Variants in FGD4 observed in about 807,000 individuals in gnomAD.
The protein encoded by FGD4 is FYVE, RhoGEF and PH domain containing 4, also known as FYVE, RhoGEF and PH domain-containing protein 4.
FGD4 carries 42 observed loss-of-function variants against 102.0 expected under a neutral mutation model. The observed-to-expected ratio is 0.41, with a 90% CI of 0.32 to 0.53. The LOEUF (loss-of-function observed/expected upper bound fraction) is 0.53. Ranked by LOEUF, FGD4 falls within the 20% of genes least tolerant of loss-of-function variation. The probability of loss-of-function intolerance (pLI) is 0.21; values close to 1 mark genes in which losing one functional copy is unlikely to be tolerated. For missense variants in FGD4, 902 were observed against 1,078.2 expected (o/e 0.84, Z 2.29); for synonymous variants, 380 against 375.7 (o/e 1.01, Z -0.13).
rs142904092 is a variant in FGD4 at position 32,625,355 on chromosome 12, C to T, written c.2046+287C>T. Reference sequence around the variant, plus strand: ...CACAGTCTTGGCTCACTGCAAACTCCGCCTCCCGGGTTCAAGCGATTTTCC... The same window carrying T: ...CACAGTCTTGGCTCACTGCAAACTCTGCCTCCCGGGTTCAAGCGATTTTCC... On this transcript the variant is annotated intron_variant, in intron 13 of 16. Coordinates refer to ENST00000534526, the MANE Select transcript of FGD4 (RefSeq NM_001370298.3). Among the ~76,000 whole-genome samples the T allele has an allele frequency of 0.027, 4,105 of 150,386 alleles. 209 individuals are homozygous for T. The highest frequency in any genetic ancestry group is 0.097 in the African/African-American group (3,933 of 40,700).
At chr12:32,565,109 G>C (rs566217701) in intron 2 of FGD4, among the ~76,000 whole-genome samples, 39 of 152,226 alleles carry the variant, frequency 2.6e-4, no homozygotes, top group African/African-American at 9.4e-4. Flanking sequence ...TATTTATTTT[G>C]TGTTTACTTA....
rs534600614 is a variant in FGD4, at chr12:32,605,042, G to T, written c.1404+2725G>T. On this transcript the variant is annotated intron_variant, in intron 7 of 16. Coordinates refer to ENST00000534526, the MANE Select transcript of FGD4 (RefSeq NM_001370298.3). ...TAACCTCTGCCTCCTGGGTTCAAGC[G>T]ATTCTTGTGCCTCAGCTTCCTGAGT... Among the ~76,000 whole-genome samples, 3 of 147,958 alleles carry T rather than the reference G, an allele frequency of 2.0e-5. No homozygotes were observed. The East Asian group carries it at 5.9e-4, about 29-fold the overall frequency.
intron 1 of FGD4, among the ~76,000 whole-genome samples, chr12:32,512,499 C>T (rs1939482502): frequency 6.6e-6 from 1 of 151,984 alleles, no homozygotes. Context: ...CATTTAGTCT[C>T]AGCCTTCAGT....
chr12:32,618,129 T>G (rs1949556388), intron 10 of FGD4, among the ~76,000 whole-genome samples: 1 of 152,232 alleles, frequency 6.6e-6, no homozygotes, highest in African/African-American at 2.4e-5. Context: ...ATTCATGGAC[T>G]TATTTCTATA....
At chr12:32,420,371 C>T (rs148717931) in intron 1 of FGD4, among the ~76,000 whole-genome samples, 7 of 152,252 alleles carry the variant, frequency 4.6e-5, no homozygotes, top group Non-Finnish European at 1.0e-4. Context: ...CTTTCCGTTC[C>T]CTTTCAATCC....
chr12:32,620,693 A>AT (rs1208809588), intron 11 of FGD4, among the ~76,000 whole-genome samples: 3,708 of 96,988 alleles, frequency 0.038, 261 homozygotes, highest in African/African-American at 0.12. Flanking sequence ...CACCTGGCTA[A>AT]TTTTTTTTTT....
chr12:32,624,591 C>T, intron 12 of FGD4, 139 bp downstream of exon 12: 4 of 750,570 alleles, frequency 5.3e-6, no homozygotes, highest in Non-Finnish European at 9.2e-6. Context: ...GCATCTCAGC[C>T]TCTTGAGTAG....
Position 32,405,280 on chromosome 12 carries a change from TAGA to T in FGD4, c.166+5324_166+5326del, listed in dbSNP as rs1940884435. Among the ~76,000 whole-genome samples, 3 of 141,814 alleles carry T rather than the reference TAGA, an allele frequency of 2.1e-5. No individual in the cohort carries two copies. The South Asian group carries it at 6.8e-4, about 32-fold the overall frequency. 93.0% of individuals were successfully genotyped at this position (141,814 alleles called of 152,430 possible). ...TCAGTGGTTTTTTTTTTTTTTTTTT[TAGA>T]AGGAGTTTCACTCTTGTCCAGGCTG... On this transcript the variant is annotated intron_variant, in intron 1 of 16. Coordinates refer to ENST00000534526, the MANE Select transcript of FGD4 (RefSeq NM_001370298.3).
At chr12:32,591,477 A>G (rs1947469939) in intron 4 of FGD4, among the ~76,000 whole-genome samples, 1 of 152,240 alleles carries the variant, frequency 6.6e-6, no homozygotes, top group Non-Finnish European at 1.5e-5. Flanking sequence ...CATTTGAAGC[A>G]TCTCTCAGGA....
At chr12:32,492,635 C>T (rs1944142652) in intron 1 of FGD4, among the ~76,000 whole-genome samples, 1 of 152,076 alleles carries the variant, frequency 6.6e-6, no homozygotes, top group Admixed American at 6.6e-5. Context: ...GTACAATATG[C>T]TGCTTTATAA....
intron 1 of FGD4, among the ~76,000 whole-genome samples, chr12:32,442,567 T>TG (rs1942479371): frequency 6.8e-6 from 1 of 147,306 alleles, no homozygotes; most frequent in African/African-American, 2.5e-5. Flanking sequence ...CATCCTTTTT[T>TG]TTTTTTTTTT....
At chr12:32,417,919 TG>T (rs1317568959) in intron 1 of FGD4, among the ~76,000 whole-genome samples, 2 of 101,756 alleles carry the variant, frequency 2.0e-5, no homozygotes, top group Non-Finnish European at 3.8e-5. Flanking sequence ...CACATATCTC[TG>T]TTTTTTTCCA....
chr12:32,625,706 C>CA lies in FGD4; in HGVS notation c.2101dup (p.Met701AsnfsTer6), dbSNP rs1335455380. The CA allele has an allele frequency of 6.2e-7, 1 of 1,613,654 alleles. No homozygotes were observed. Among genetic ancestry groups the CA allele is most frequent in the Admixed American group, 1.7e-5 (1 of 59,952 alleles). On this transcript the variant is annotated frameshift_variant, in exon 14 of 17. Transcript: ENST00000534526. LOFTEE classifies it high-confidence loss of function. ...AGATGGATCCGAGATAATGAAGTGACAATGTGTATGAAATGTAAAGAACCT... is the reference window on the plus strand; with the variant it reads ...AGATGGATCCGAGATAATGAAGTGACAAATGTGTATGAAATGTAAAGAACCT...
intron 15 of FGD4, among the ~76,000 whole-genome samples, chr12:32,634,929 A>G (rs1950708621): frequency 6.6e-6 from 1 of 152,158 alleles, no homozygotes; most frequent in Admixed American, 6.5e-5. Flanking sequence ...CGGAGATTGC[A>G]GTGAGCCAAG....
At position 32,582,433 on chromosome 12, in the gene FGD4, A is replaced by G. The variant is rs1158632983; in HGVS notation, c.977A>G (p.Glu326Gly). Reference sequence around the variant, plus strand: ...AGGGAAAATGGGGAAAGCCCTCTGGAACTGGAGCAGCTGGACCAGCACCAT... The same window carrying G: ...AGGGAAAATGGGGAAAGCCCTCTGGGACTGGAGCAGCTGGACCAGCACCAT... ...QERENGESPLELEQLDQHHEM... is the reference protein window; with the variant it reads ...QERENGESPLGLEQLDQHHEM... The change falls in exon 4 of 17, where the codon GAA (glutamate) becomes GGA (glycine). Residue 326 changes from glutamate to glycine, a missense_variant. By Grantham distance (98) the Glu-to-Gly change is moderately conservative. Transcript: ENST00000534526. 1 of 1,612,746 alleles carries G rather than the reference A, an allele frequency of 6.2e-7. No individual in the cohort carries two copies. The highest frequency in any genetic ancestry group is 8.5e-7 in the Non-Finnish European group (1 of 1,180,024).
At chr12:32,539,524 G>A (rs571127626) in intron 1 of FGD4, among the ~76,000 whole-genome samples, 2 of 151,590 alleles carry the variant, frequency 1.3e-5, no homozygotes, top group Admixed American at 6.6e-5. Context: ...AGCTGAGATC[G>A]CGCCATTGCA....
chr12:32,592,321 A>G (rs1290759765), intron 4 of FGD4, among the ~76,000 whole-genome samples: 1 of 151,942 alleles, frequency 6.6e-6, no homozygotes, highest in Non-Finnish European at 1.5e-5. Flanking sequence ...AAATAAAGGG[A>G]TATCAAAAGT....
chr12:32,616,796 G>A (rs1418713275), intron 10 of FGD4, among the ~76,000 whole-genome samples: 13 of 152,154 alleles, frequency 8.5e-5, no homozygotes, highest in African/African-American at 2.7e-4. Context: ...TTATGTTAAT[G>A]TAGGATGCTG....
chr12:32,563,072 G>A (rs1349335307), intron 1 of FGD4, among the ~76,000 whole-genome samples: 124 of 148,026 alleles, frequency 8.4e-4, no homozygotes, highest in Non-Finnish European at 7.6e-5. Flanking sequence ...CCCGGACGGG[G>A]CGGCTGGCCG....
Sources: allele counts gnomAD v4.1 joint callset (sites outside exome capture counted in the v4.1 genomes callset), GRCh38; gene constraint gnomAD v4.1.1; transcripts MANE v1.5; gene names NCBI Gene and HGNC (gene_info 2026-07-23, HGNC 2026-07-21).